Variants in DNAH14 observed in about 807,000 individuals in gnomAD.
DNAH14 encodes dynein axonemal heavy chain 14.
A neutral mutation model predicts 520.9 loss-of-function variants in DNAH14; 478 were observed. The observed-to-expected ratio is 0.92, with a 90% CI of 0.85 to 0.99. DNAH14 has a LOEUF of 0.99. Ranked by LOEUF, DNAH14 falls within the 50% of genes least tolerant of loss-of-function variation. The pLI is 0.00. For synonymous variants in DNAH14, 1,581 were observed against 1,757.2 expected (o/e 0.90, Z 2.51); for missense variants, 4,831 against 5,234.5 (o/e 0.92, Z 2.38).
intron 19 of DNAH14, 132 bp from the exon 20 acceptor site, chr1:225,082,417 T>G: frequency 1.5e-6 from 1 of 648,590 alleles, no homozygotes; most frequent in Non-Finnish European, 2.5e-6. Flanking sequence ...TTCATGTTAT[T>G]TTAATGTAGT....
At position 225,380,077 on chromosome 1, in the gene DNAH14, A is replaced by C. The variant is rs148752558; in HGVS notation, c.12717-82A>C. On this transcript the variant is annotated intron_variant, in intron 79 of 85. Coordinates refer to ENST00000682510, the MANE Select transcript of DNAH14 (RefSeq NM_001367479.1). ...AAACATATTCCTCCTGTCTACCAGT[A>C]ATCTTGAATCCTTTAACAAATCTCT... 2.9e-3 allele frequency: 4,119 copies of C among 1,405,492 alleles called. 9 individuals carry two copies. The highest frequency in any genetic ancestry group is 3.6e-3 in the Non-Finnish European group (3,781 of 1,047,312). The allele number at this position is 1,405,492 out of a possible 1,614,324, so 87.1% of individuals were successfully genotyped here.
chr1:225,291,557 CA>C (rs2093891403), intron 55 of DNAH14, among the ~76,000 whole-genome samples: 1 of 152,116 alleles, frequency 6.6e-6, no homozygotes. Context: ...GCTGAGACTA[CA>C]AGACTGCACA....
rs527424679 is a variant in DNAH14 at position 225,023,703 on chromosome 1, G to C, written c.1196G>C (p.Arg399Pro). The change falls in exon 11 of 86, where the codon CGT becomes CCT. Residue 399 changes from arginine (R) to proline (P), a missense_variant. Coordinates refer to ENST00000682510, the MANE Select transcript of DNAH14 (RefSeq NM_001367479.1). The part of the protein sequence containing the change: ...TTHFKLPKYR[R>P]LLETFFKFVM... Reference sequence around the variant, plus strand: ...CATTTCAAGCTGCCTAAATATAGACGTTTATTAGAAACATTTTTCAAGTTT... The same window carrying C: ...CATTTCAAGCTGCCTAAATATAGACCTTTATTAGAAACATTTTTCAAGTTT... 2 of 1,550,746 alleles carry C rather than the reference G, an allele frequency of 1.3e-6. No individual in the cohort carries two copies. The highest frequency in any genetic ancestry group is 1.7e-6 in the Non-Finnish European group (2 of 1,146,480).
intron 23 of DNAH14, among the ~76,000 whole-genome samples, chr1:225,115,754 G>T (rs2076826197): frequency 1.3e-5 from 2 of 152,270 alleles, no homozygotes; most frequent in Admixed American, 1.3e-4. Flanking sequence ...TATTACTGAG[G>T]ATCATTACAA....
chr1:225,314,165 C>G lies in DNAH14; in HGVS notation c.9241-4418C>G, dbSNP rs551427840. On this transcript the variant is annotated intron_variant, in intron 60 of 85. Transcript: ENST00000682510. ...TATTTAGGATAGTTAGCTCTTCTTG[C>G]TGCATTGATTCCTTTACCATTATGT... is the stretch of plus-strand genomic sequence containing the variant. 9.3e-4 allele frequency among the ~76,000 whole-genome samples: 142 copies of G among 152,272 alleles called. 2 individuals carry two copies. The South Asian group carries it at 0.012, about 13-fold the overall frequency.
At position 225,337,287 on chromosome 1, in the gene DNAH14, G is replaced by A. The variant is rs1406073331; in HGVS notation, c.10102G>A (p.Gly3368Arg). ...GCAGATCAGCCGATGGCATAATCAG[G>A]GACTGCCTCATGGTCAGTATTCAGT... ...KYEISRWHNQ[G>R]LPHGQYSVEN... Residue 3368 changes from glycine (G) to arginine (R), a missense_variant, in exon 67 of 86, where the codon GGA becomes AGA. Gly to Arg is a moderately radical substitution (Grantham distance 125). Coordinates refer to ENST00000682510, the MANE Select transcript of DNAH14 (RefSeq NM_001367479.1). The A allele has an allele frequency of 4.5e-6, 7 of 1,551,856 alleles. No individual in the cohort carries two copies.
Position 224,929,732 on chromosome 1 carries a change from G to A in DNAH14, c.-137G>A, listed in dbSNP as rs1419989348. The A allele has an allele frequency of 4.3e-6, 3 of 702,392 alleles. No individual in the cohort carries two copies. The highest frequency in any genetic ancestry group is 7.8e-6 in the Non-Finnish European group (3 of 384,842). 43.5% of individuals were successfully genotyped at this position (702,392 alleles called of 1,614,324 possible). A position where few individuals can be genotyped will look rare whatever the true frequency, so the allele number is the denominator to read the frequency against. ...CTGGCGTGGTAGGGCTGTGCTGCGC[G>A]GTCCTTCCCATTCACCCTAGTCTGG... is the stretch of plus-strand genomic sequence containing the variant. On this transcript the variant is annotated 5_prime_UTR_variant, in exon 1 of 86. Coordinates refer to ENST00000682510, the MANE Select transcript of DNAH14 (RefSeq NM_001367479.1).
At chr1:225,267,582 G>T (rs555608282) in intron 49 of DNAH14, among the ~76,000 whole-genome samples, 3 of 152,040 alleles carry the variant, frequency 2.0e-5, no homozygotes, top group African/African-American at 7.2e-5. Flanking sequence ...GAGCCACCAT[G>T]CCCGGCCAGA....
intron 84 of DNAH14, chr1:225,398,197 T>C (rs1026147949): frequency 8.3e-6 from 2 of 240,266 alleles, no homozygotes; most frequent in Non-Finnish European, 1.6e-5. Context: ...TGTTCTGTCC[T>C]AAAAAGCTCG....
intron 26 of DNAH14, among the ~76,000 whole-genome samples, chr1:225,122,481 TTATAG>T (rs565708452): frequency 8.9e-4 from 136 of 152,266 alleles, no homozygotes; most frequent in Non-Finnish European, 1.1e-3. Context: ...TTCCATATAC[TTATAG>T]TATATCAATG....
chr1:225,195,317 A>T (rs2085987613), intron 38 of DNAH14, among the ~76,000 whole-genome samples: 3 of 152,182 alleles, frequency 2.0e-5, no homozygotes, highest in African/African-American at 7.2e-5. Context: ...AGCATAGAAT[A>T]CTACAAAGCC....
rs747754923 is a variant in DNAH14, at chr1:225,399,096, G to T, written c.13681G>T (p.Glu4561Ter). The T allele has an allele frequency of 6.4e-7, 1 of 1,551,200 alleles. No homozygotes were observed. The highest frequency in any genetic ancestry group is 8.7e-7 in the Non-Finnish European group (1 of 1,146,922). ...AAATGCTTCCAACCAGACAGATTCAGAACTCTATGCTTTTGAATGCCCAGT... is the reference window on the plus strand; with the variant it reads ...AAATGCTTCCAACCAGACAGATTCATAACTCTATGCTTTTGAATGCCCAGT... ...TPNASNQTDS[E>*]LYAFECPVYQ... Residue 4561 changes from glutamate to a stop codon, truncating the protein, a stop_gained, in exon 86 of 86, where the codon GAA becomes TAA. Transcript: ENST00000682510. LOFTEE classifies it low-confidence loss of function (END_TRUNC).
At chr1:225,178,049 C>T (rs1163137469) in intron 36 of DNAH14, among the ~76,000 whole-genome samples, 1 of 152,154 alleles carries the variant, frequency 6.6e-6, no homozygotes, top group African/African-American at 2.4e-5. Flanking sequence ...CCAAGACCAG[C>T]GGAACCCACC....
Position 225,207,329 on chromosome 1 carries a change from G to A in DNAH14, c.6439+109G>A, listed in dbSNP as rs1325664508. ...ATTTTTCAAAGAGCAGGCATTTTTA[G>A]TCTATTTGGACCAACAGCAGATATG... On this transcript the variant is annotated intron_variant, in intron 41 of 85. Coordinates refer to ENST00000682510, the MANE Select transcript of DNAH14 (RefSeq NM_001367479.1). The A allele has an allele frequency of 6.6e-6, 8 of 1,212,982 alleles. No homozygotes were observed. The Admixed American group carries it at 1.7e-4, about 26-fold the overall frequency. 75.1% of individuals were successfully genotyped at this position (1,212,982 alleles called of 1,614,324 possible).
chr1:225,305,505 C>A (rs2094221688), intron 58 of DNAH14, among the ~76,000 whole-genome samples: 1 of 152,042 alleles, frequency 6.6e-6, no homozygotes, highest in Non-Finnish European at 1.5e-5. Flanking sequence ...TGAGGAGGCA[C>A]GGGAAGAAAC....
At chr1:225,257,900 A>AAG in intron 44 of DNAH14, 60 bp from the exon 45 acceptor site, 1 of 1,273,874 alleles carries the variant, frequency 7.9e-7, no homozygotes. Context: ...AAAAAAAAAA[A>AAG]AGATGAGGTG....
intron 3 of DNAH14, among the ~76,000 whole-genome samples, chr1:224,959,191 C>G (rs1330366664): frequency 6.6e-6 from 1 of 152,064 alleles, no homozygotes; most frequent in Non-Finnish European, 1.5e-5. Context: ...CCTCACCAAT[C>G]TTTCCACTAA....
At chr1:225,139,548 T>C (rs1043415564) in intron 27 of DNAH14, among the ~76,000 whole-genome samples, 1 of 152,234 alleles carries the variant, frequency 6.6e-6, no homozygotes, top group East Asian at 1.9e-4. Context: ...CATGGGAGAA[T>C]GCAGATAATT....
chr1:225,333,150 A>G, intron 65 of DNAH14, 141 bp from the exon 66 acceptor site: 2 of 663,812 alleles, frequency 3.0e-6, no homozygotes, highest in Non-Finnish European at 2.4e-6. Flanking sequence ...AATATTATCC[A>G]TTATTAACTT....
Sources: allele counts gnomAD v4.1 joint callset (sites outside exome capture counted in the v4.1 genomes callset), GRCh38; gene constraint gnomAD v4.1.1; transcripts MANE v1.5; gene names NCBI Gene and HGNC (gene_info 2026-07-23, HGNC 2026-07-21).